PRIM2: variants seen among roughly 807,000 people sequenced by gnomAD.
PRIM2 encodes the protein DNA primase large subunit.
In PRIM2, 39 loss-of-function variants were observed where a neutral mutation model predicts 67.3. That is an observed-to-expected ratio of 0.58 (90% CI 0.45 to 0.76). The LOEUF (loss-of-function observed/expected upper bound fraction) is 0.76, where lower values mean the gene tolerates loss of function less well. Among genes scored for constraint, PRIM2 ranks in the 30% least tolerant of loss-of-function variants. PRIM2 has a pLI of 0.00. For synonymous variants in PRIM2, 143 were observed against 198.7 expected, an observed-to-expected ratio of 0.72 and a Z score of 2.36; for missense variants, 398 against 598.7, an observed-to-expected ratio of 0.66 and a Z score of 3.50.
chr6:57,246,329 T>C, the PRIM2 span, among the ~76,000 whole-genome samples: 8 of 152,240 alleles, frequency 5.3e-5, no homozygotes, highest in South Asian at 2.1e-4. Flanking sequence ...AAAATGGCTA[T>C]GAAACTAGAA....
At chr6:57,326,081 C>T in intron 5 of PRIM2, 36 bp downstream of exon 5, 1 of 1,601,030 alleles carries the variant, frequency 6.2e-7, no homozygotes, top group African/African-American at 1.3e-5. Flanking sequence ...TAATTGTTCT[C>T]ACCATTCATT....
intron 10 of PRIM2, among the ~76,000 whole-genome samples, chr6:57,597,339 G>A (rs1365947385): frequency 6.6e-6 from 1 of 151,002 alleles, no homozygotes; most frequent in African/African-American, 2.4e-5. Context: ...ATTTTAAGAA[G>A]ATGACTAGAA....
At chr6:57,325,885 G>A (rs1767833219) in intron 4 of PRIM2, 40 bp from the exon 5 acceptor site, 3 of 1,523,632 alleles carry the variant, frequency 2.0e-6, no homozygotes, top group Non-Finnish European at 1.8e-6. Context: ...ATAATTACTG[G>A]ATTTTTAGTT....
the PRIM2 span, among the ~76,000 whole-genome samples, chr6:57,272,448 C>A: frequency 2.0e-5 from 3 of 152,086 alleles, no homozygotes; most frequent in Admixed American, 1.3e-4. Context: ...AGGATTGCAA[C>A]CCCTGCCTTT....
chr6:57,330,662 G>A (rs1304113934), intron 5 of PRIM2, among the ~76,000 whole-genome samples: 1 of 152,084 alleles, frequency 6.6e-6, no homozygotes, highest in Non-Finnish European at 1.5e-5. Context: ...GTACAGTGTT[G>A]AATAGAAGTG....
intron 8 of PRIM2, among the ~76,000 whole-genome samples, chr6:57,522,928 G>C (rs1774656627): frequency 6.6e-6 from 1 of 152,154 alleles, no homozygotes; most frequent in Non-Finnish European, 1.5e-5. Context: ...AGACTATAAT[G>C]ATAGACTCAC....
intron 7 of PRIM2, among the ~76,000 whole-genome samples, chr6:57,450,201 C>T (rs1772497696): frequency 1.3e-5 from 2 of 152,136 alleles, no homozygotes; most frequent in South Asian, 2.1e-4. Context: ...ACATAACACT[C>T]ATAAAGCTAG....
the PRIM2 span, among the ~76,000 whole-genome samples, chr6:57,273,842 A>G: frequency 2.0e-5 from 3 of 151,898 alleles, no homozygotes; most frequent in Admixed American, 2.0e-4. Context: ...TTTTCCTTCT[A>G]ACAGACAGGT....
intron 7 of PRIM2, among the ~76,000 whole-genome samples, chr6:57,472,393 CAAAA>C (rs1281311931): frequency 7.3e-6 from 1 of 136,110 alleles, no homozygotes. Context: ...TTGCGTGTGT[CAAAA>C]AAAAAAAAAA....
At chr6:57,596,810 A>C (rs2127490244) in intron 10 of PRIM2, among the ~76,000 whole-genome samples, 1 of 152,134 alleles carries the variant, frequency 6.6e-6, no homozygotes, top group East Asian at 1.9e-4. Flanking sequence ...TATACTCTAT[A>C]TAGGGCATCA....
At chr6:57,304,120 G>A in the PRIM2 span, among the ~76,000 whole-genome samples, 8 of 152,106 alleles carry the variant, frequency 5.3e-5, no homozygotes, top group Non-Finnish European at 8.8e-5. Context: ...CAATCCCATT[G>A]GGGTCACATG....
At chr6:57,617,549 A>G (rs1178702801) in intron 12 of PRIM2, among the ~76,000 whole-genome samples, 1 of 152,182 alleles carries the variant, frequency 6.6e-6, no homozygotes, top group Non-Finnish European at 1.5e-5. Context: ...GGCCATTTGT[A>G]CATCTTCTTT....
chr6:57,222,504 A>C, the PRIM2 span, among the ~76,000 whole-genome samples: 1 of 152,362 alleles, frequency 6.6e-6, no homozygotes, highest in East Asian at 1.9e-4. Context: ...GACGGTCCGC[A>C]TGAGTTTCGC....
the PRIM2 span, among the ~76,000 whole-genome samples, chr6:57,291,893 C>A: frequency 2.0e-5 from 3 of 152,166 alleles, no homozygotes; most frequent in Non-Finnish European, 2.9e-5. Flanking sequence ...CAATATCATA[C>A]TGAATAGGCA....
chr6:57,299,060 CTCTT>C, the PRIM2 span, among the ~76,000 whole-genome samples: 1 of 151,044 alleles, frequency 6.6e-6, no homozygotes, highest in African/African-American at 2.5e-5. Context: ...ATTTCTCTCT[CTCTT>C]TCTCTCTGTC....
chr6:57,449,314 A>G (rs1385242713), intron 7 of PRIM2, among the ~76,000 whole-genome samples: 7 of 152,184 alleles, frequency 4.6e-5, no homozygotes, highest in African/African-American at 1.4e-4. Flanking sequence ...TTTGCTAGGA[A>G]AAGTCTTTAA....
chr6:57,364,076 T>C (rs553055075), intron 5 of PRIM2, among the ~76,000 whole-genome samples: 1 of 152,176 alleles, frequency 6.6e-6, no homozygotes, highest in African/African-American at 2.4e-5. Context: ...TTTATTTGTT[T>C]TTTTTTTTTC....
chr6:57,316,024 T>C (rs1199758341), upstream of PRIM2, among the ~76,000 whole-genome samples: 3 of 152,192 alleles, frequency 2.0e-5, no homozygotes, highest in Non-Finnish European at 4.4e-5. Context: ...TCTGCTGTCA[T>C]ATTACTGGAA....
At chr6:57,560,236 C>T (rs1433547758) in intron 10 of PRIM2, among the ~76,000 whole-genome samples, 13 of 151,800 alleles carry the variant, frequency 8.6e-5, no homozygotes, top group African/African-American at 2.9e-4. Flanking sequence ...AAACCACCTT[C>T]TTTGCTCATC....
Sources: gnomAD v4.1 joint callset for allele counts (sites outside exome capture counted in the v4.1 genomes callset) on GRCh38, gnomAD v4.1.1 for gene constraint, MANE v1.5 for transcripts, NCBI Gene and HGNC (gene_info 2026-07-23, HGNC 2026-07-21) for gene names.